Variants in CTSB observed in about 807,000 individuals in gnomAD.
The protein encoded by CTSB is APP secretase.
CTSB carries 57 observed loss-of-function variants against 44.3 expected under a neutral mutation model. The ratio of observed to expected loss-of-function variants is 1.29; its 90% confidence interval spans 1.04 to 1.60. The LOEUF is 1.60. Among genes scored for constraint, CTSB ranks in the 40% most tolerant of loss-of-function variants. CTSB has a pLI of 0.00. For missense variants in CTSB, 768 were observed against 443.0 expected, an observed-to-expected ratio of 1.73 and a Z score of -6.59; for synonymous variants, 320 against 168.0, an observed-to-expected ratio of 1.91 and a Z score of -7.00.
intron 6 of CTSB, 73 bp downstream of exon 6, chr8:11,847,994 G>T (rs997064362): frequency 2.8e-6 from 4 of 1,405,830 alleles, no homozygotes; most frequent in African/African-American, 2.9e-5. Flanking sequence ...GTTTATAAAG[G>T]CAAATAAAGC....
intron 6 of CTSB, 87 bp downstream of exon 6, chr8:11,847,980 C>T (rs1157493504): frequency 1.5e-6 from 2 of 1,374,848 alleles, no homozygotes; most frequent in Non-Finnish European, 2.0e-6. Context: ...TGTCTCAACC[C>T]CCAGTTTATA....
intron 1 of CTSB, among the ~76,000 whole-genome samples, chr8:11,857,449 AGT>A (rs1225845922): frequency 6.6e-6 from 1 of 152,194 alleles, no homozygotes; most frequent in East Asian, 1.9e-4. Context: ...GGCAGACAGC[AGT>A]GTCCTTGGAT....
intron 8 of CTSB, 116 bp downstream of exon 8, chr8:11,846,936 C>T: frequency 1.4e-6 from 1 of 715,600 alleles, no homozygotes; most frequent in Non-Finnish European, 2.6e-6. Flanking sequence ...CAGCCCTCTT[C>T]CCCAGCCCCT....
At chr8:11,847,883 A>T in intron 6 of CTSB, 61 bp from the exon 7 acceptor site, 1 of 1,413,890 alleles carries the variant, frequency 7.1e-7, no homozygotes, top group South Asian at 1.3e-5. Flanking sequence ...GACCTGGGGC[A>T]AGGCAAGCCT....
Position 11,844,311 on chromosome 8 carries a change from A to G in CTSB, c.*814T>C, listed in dbSNP as rs1348074599. Reference sequence around the variant, plus strand: ...GACAAAGGATCTGAGATCCCATCAGAGTAGACTTCAAGTTGGAGAAAACTT... The same window carrying G: ...GACAAAGGATCTGAGATCCCATCAGGGTAGACTTCAAGTTGGAGAAAACTT... On this transcript the variant is annotated 3_prime_UTR_variant, in exon 10 of 10. Transcript: ENST00000353047. The G allele has an allele frequency of 1.3e-5, 2 of 152,256 alleles. No homozygotes were observed. The highest frequency in any genetic ancestry group is 4.8e-5 in the African/African-American group (2 of 41,462). The allele number at this position is 152,256 out of a possible 1,614,324, so 9.4% of individuals were successfully genotyped here.
At chr8:11,857,164 C>G (rs1267695927) in intron 1 of CTSB, among the ~76,000 whole-genome samples, 1 of 152,202 alleles carries the variant, frequency 6.6e-6, no homozygotes, top group East Asian at 1.9e-4. Context: ...GCTGGGATTA[C>G]AGGCCTGTGC....
intron 1 of CTSB, chr8:11,853,831 G>A (rs572417559): frequency 5.5e-6 from 1 of 182,416 alleles, no homozygotes; most frequent in African/African-American, 2.4e-5. Context: ...AAACAGTTAA[G>A]AGCCTGTCTG....
At chr8:11,847,433 C>CCCTT (rs1186899434) in intron 7 of CTSB, among the ~76,000 whole-genome samples, 1 of 152,188 alleles carries the variant, frequency 6.6e-6, no homozygotes, top group Non-Finnish European at 1.5e-5. Context: ...ACACGCCACT[C>CCCTT]CCTTGTAAAA....
chr8:11,861,371 T>A (rs945835464), intron 1 of CTSB: 2 of 152,568 alleles, frequency 1.3e-5, no homozygotes, highest in Admixed American at 6.5e-5. Flanking sequence ...CTGAACCAGG[T>A]TGGCCACTCA....
At chr8:11,867,473 C>A (rs1470457685) in intron 1 of CTSB, 1 of 152,340 alleles carries the variant, frequency 6.6e-6, no homozygotes, top group Non-Finnish European at 1.5e-5. Flanking sequence ...GACCTGTCTT[C>A]TGGGGTCCCA....
At chr8:11,848,842 C>A in intron 5 of CTSB, 1 of 504,604 alleles carries the variant, frequency 2.0e-6, no homozygotes, top group Non-Finnish European at 3.6e-6. Flanking sequence ...ACCCCTCAGA[C>A]AGCTCTGCCG....
At chr8:11,863,729 G>A (rs533587447) in intron 1 of CTSB, among the ~76,000 whole-genome samples, 50 of 152,054 alleles carry the variant, frequency 3.3e-4, no homozygotes, top group African/African-American at 1.2e-3. Context: ...ATTAAAACAG[G>A]GGTACCACTT....
At chr8:11,864,221 G>A (rs1586204914) in intron 1 of CTSB, among the ~76,000 whole-genome samples, 2 of 147,358 alleles carry the variant, frequency 1.4e-5, no homozygotes, top group East Asian at 4.1e-4. Context: ...TGTAATCCCA[G>A]CATTTGGAAG....
chr8:11,854,289 C>A (rs1815134122), intron 1 of CTSB, among the ~76,000 whole-genome samples: 1 of 152,120 alleles, frequency 6.6e-6, no homozygotes, highest in South Asian at 2.1e-4. Flanking sequence ...TCCAGGGGCT[C>A]CCACGGGTGG....
intron 7 of CTSB, 108 bp downstream of exon 7, chr8:11,847,571 C>G (rs982372197): frequency 4.0e-6 from 5 of 1,262,326 alleles, no homozygotes; most frequent in South Asian, 3.3e-5. Context: ...TCCTAGAGTT[C>G]CGGGACCCCA....
Position 11,853,365 on chromosome 8 carries a change from C to A in CTSB, c.90G>T (p.Leu30=). 6.2e-7 allele frequency: 1 copy of A among 1,613,276 alleles called. No individual in the cohort carries two copies. The highest frequency in any genetic ancestry group is 8.5e-7 in the Non-Finnish European group (1 of 1,179,898). ...RPSFHPLSDE[L]VNYVNKRNTT... is the part of the protein sequence containing the mutation. ...TATTCCGTTTGTTGACATAGTTGACCAGCTCATCCGACAGGGGATGGAAAG... is the reference window on the plus strand; with the variant it reads ...TATTCCGTTTGTTGACATAGTTGACAAGCTCATCCGACAGGGGATGGAAAG... Residue 30 remains leucine, a synonymous_variant, in exon 2 of 10, where the codon CTG becomes CTT. Transcript: ENST00000353047.
rs1467246925 is a variant in CTSB, at chr8:11,850,952, G to C, written c.241C>G (p.Pro81Ala). The C allele has an allele frequency of 1.2e-6, 2 of 1,613,000 alleles. No homozygotes were observed. Among genetic ancestry groups the C allele is most frequent in the African/African-American group, 2.7e-5 (2 of 74,862 alleles). Residue 81 changes from proline (P) to alanine (A), a missense_variant, in exon 4 of 10, where the codon CCT becomes GCT. Physicochemically the swap from Pro to Ala is conservative, Grantham distance 27 (BLOSUM62 -1). Transcript: ENST00000353047. ...RVMFTEDLKL[P>A]ASFDAREQWP... ...TGTTCCCGTGCATCGAAGCTTGCAG[G>C]CAGCTTCAGGTCCTCGGTAAACATA...
At chr8:11,855,581 A>G (rs1815365912) in intron 1 of CTSB, among the ~76,000 whole-genome samples, 1 of 152,224 alleles carries the variant, frequency 6.6e-6, no homozygotes, top group East Asian at 1.9e-4. Context: ...TGCTTGCATT[A>G]CACTGAAAAG....
chr8:11,845,370 G>T lies in CTSB; in HGVS notation c.923-148C>A, dbSNP rs370093786. 2.0e-4 allele frequency: 136 copies of T among 685,598 alleles called. No homozygotes were observed. In the South Asian group the frequency reaches 2.4e-3, roughly 12 times the overall value. The allele number at this position is 685,598 out of a possible 1,614,324, so 42.5% of individuals were successfully genotyped here. On this transcript the variant is annotated intron_variant, in intron 9 of 9. Coordinates refer to ENST00000353047, the MANE Select transcript of CTSB (RefSeq NM_001908.5). ...AGTCCTCAACACCACAAGGCTTCTG[G>T]AGCCGTGGGGCACACCTCCACGGGC...
Sources: allele counts gnomAD v4.1 joint callset (sites outside exome capture counted in the v4.1 genomes callset), GRCh38; gene constraint gnomAD v4.1.1; transcripts MANE v1.5; gene names NCBI Gene and HGNC (gene_info 2026-07-23, HGNC 2026-07-21).